IGHMBP2: variants seen among roughly 807,000 people sequenced by gnomAD.
IGHMBP2 encodes DNA-binding protein SMUBP-2.
Under a neutral mutation model 96.0 loss-of-function variants are expected in IGHMBP2, and 81 were observed. The observed-to-expected ratio is 0.84, with a 90% CI of 0.71 to 1.01. The LOEUF is 1.01. IGHMBP2 is among the 50% of genes least tolerant of loss of function. The probability of loss-of-function intolerance (pLI) is 0.00; values close to 1 mark genes in which losing one functional copy is unlikely to be tolerated. For missense variants in IGHMBP2, 1,227 were observed against 1,306.3 expected, an observed-to-expected ratio of 0.94 and a Z score of 0.94; for synonymous variants, 557 against 548.9, an observed-to-expected ratio of 1.01 and a Z score of -0.21.
Position 68,940,058 on chromosome 11 carries a change from G to C in IGHMBP2, c.*327G>C. 1 of 360,414 alleles carries C rather than the reference G, an allele frequency of 2.8e-6. No individual in the cohort carries two copies. Among genetic ancestry groups the C allele is most frequent in the South Asian group, 3.7e-5 (1 of 26,672 alleles). 22.3% of individuals were successfully genotyped at this position (360,414 alleles called of 1,614,324 possible). On this transcript the variant is annotated 3_prime_UTR_variant, in exon 15 of 15. Coordinates refer to ENST00000255078, the MANE Select transcript of IGHMBP2 (RefSeq NM_002180.3). The stretch of plus-strand genomic sequence containing the variant: ...TTCCAGTCCCTGGAGAATACCCAGG[G>C]CCTCAAACTTGAAGTCACTCCTCCA...
intron 1 of IGHMBP2, 94 bp from the exon 2 acceptor site, chr11:68,905,975 C>T: frequency 7.8e-7 from 1 of 1,284,924 alleles, no homozygotes; most frequent in South Asian, 1.2e-5. Flanking sequence ...GTGAGTAGAT[C>T]TTTATCTATG....
rs754465226 is a variant in IGHMBP2 at position 68,933,899 on chromosome 11, C to T, written c.1523C>T (p.Ser508Leu). The change falls in exon 10 of 15, where the codon TCG (serine) becomes TTG (leucine). Residue 508 changes from serine to leucine, a missense_variant. Physicochemically the swap from Ser to Leu is moderately radical, Grantham distance 145. Transcript: ENST00000255078. ...LFELEEEDEQ[S>L]KGNPGEVRLV... Reference sequence around the variant, plus strand: ...GAGCTGGAGGAGGAGGACGAACAGTCGAAAGGGAACCCTGGTGAGCTTGCT... The same window carrying T: ...GAGCTGGAGGAGGAGGACGAACAGTTGAAAGGGAACCCTGGTGAGCTTGCT... 5 of 1,593,184 alleles carry T rather than the reference C, an allele frequency of 3.1e-6. No individual in the cohort carries two copies. Among genetic ancestry groups the T allele is most frequent in the Non-Finnish European group, 4.3e-6 (5 of 1,168,450 alleles).
intron 5 of IGHMBP2, among the ~76,000 whole-genome samples, chr11:68,913,895 A>G (rs1455071189): frequency 6.6e-6 from 1 of 152,162 alleles, no homozygotes; most frequent in Non-Finnish European, 1.5e-5. Flanking sequence ...TGCTCGCCAC[A>G]CAGAAAGCCA....
At chr11:68,934,265 A>G (rs1163640578) in intron 10 of IGHMBP2, 199 bp from the exon 11 acceptor site, 14 of 661,312 alleles carry the variant, frequency 2.1e-5, no homozygotes, top group Non-Finnish European at 3.3e-5. Flanking sequence ...AAAGGCCTTC[A>G]TTGCTGATGT....
At position 68,903,960 on chromosome 11, in the gene IGHMBP2, C is replaced by T. The variant is rs757674740; in HGVS notation, c.8C>T (p.Ser3Leu). Reference sequence around the variant, plus strand: ...CCCAGGCCGGCGGCGGCGATGGCCTCGGCAGCTGTGGAGAGCTTCGTGACC... The same window carrying T: ...CCCAGGCCGGCGGCGGCGATGGCCTTGGCAGCTGTGGAGAGCTTCGTGACC... MA[S>L]AAVESFVTKQ... Residue 3 changes from serine (S) to leucine (L), a missense_variant, in exon 1 of 15, where the codon TCG (serine) becomes TTG (leucine). Physicochemically the swap from Ser to Leu is moderately radical, Grantham distance 145 (BLOSUM62 -2). Coordinates refer to ENST00000255078, the MANE Select transcript of IGHMBP2 (RefSeq NM_002180.3). The T allele has an allele frequency of 5.1e-6, 8 of 1,564,128 alleles. No homozygotes were observed. Among genetic ancestry groups the T allele is most frequent in the Middle Eastern group, 1.7e-4 (1 of 6,004 alleles).
At chr11:68,937,611 G>A in intron 13 of IGHMBP2, 1 of 243,498 alleles carries the variant, frequency 4.1e-6, no homozygotes, top group Non-Finnish European at 8.1e-6. Context: ...CCTGCATTGT[G>A]CCCACCCCGC....
chr11:68,925,142 C>CTT (rs921409570), intron 7 of IGHMBP2, among the ~76,000 whole-genome samples: 216 of 108,634 alleles, frequency 2.0e-3, no homozygotes, highest in Middle Eastern at 5.2e-3. Flanking sequence ...AGTCCAGGTT[C>CTT]TTTTTTTTTT....
At chr11:68,935,165 A>G (rs1426707805) in intron 11 of IGHMBP2, 134 bp from the exon 12 acceptor site, 4 of 1,186,532 alleles carry the variant, frequency 3.4e-6, no homozygotes, top group African/African-American at 1.5e-5. Context: ...GCCTTTCCCC[A>G]TGGGGCTCCT....
chr11:68,933,521 C>T (rs1483073564), intron 9 of IGHMBP2, 40 bp downstream of exon 9: 2 of 1,583,674 alleles, frequency 1.3e-6, no homozygotes, highest in African/African-American at 2.7e-5. Flanking sequence ...ATCCTTCTGC[C>T]CTGGCTAATC....
intron 5 of IGHMBP2, among the ~76,000 whole-genome samples, chr11:68,912,949 GGA>G (rs1324570745): frequency 2.0e-5 from 3 of 148,680 alleles, no homozygotes; most frequent in Non-Finnish European, 4.5e-5. Flanking sequence ...GGCTGAGGCA[GGA>G]GAATTGCTTG....
At chr11:68,904,310 C>T (rs2154006393) in intron 1 of IGHMBP2, among the ~76,000 whole-genome samples, 1 of 152,286 alleles carries the variant, frequency 6.6e-6, no homozygotes, top group East Asian at 1.9e-4. Context: ...TGGGCCCTGG[C>T]CCCGACCCCA....
rs1201956816 is a variant in IGHMBP2, at chr11:68,908,203, C to A, written c.315C>A (p.Ile105=). 39 of 1,613,976 alleles carry A rather than the reference C, an allele frequency of 2.4e-5. No homozygotes were observed. Among genetic ancestry groups the A allele is most frequent in the Non-Finnish European group, 3.1e-5 (36 of 1,180,034 alleles). ...AGGGCAGTCAGCTGGCCACTGGGAT[C>A]TTGACCCGGGTCACCCAGAAGTCGG... ...ANEGSQLATG[I]LTRVTQKSVT... The change falls in exon 3 of 15, where the codon ATC becomes ATA. Residue 105 remains isoleucine, a synonymous_variant. Transcript: ENST00000255078.
At position 68,936,326 on chromosome 11, in the gene IGHMBP2, A is replaced by C; in HGVS notation, c.1846A>C (p.Thr616Pro). 1 of 1,614,202 alleles carries C rather than the reference A, an allele frequency of 6.2e-7. No homozygotes were observed. Among genetic ancestry groups the C allele is most frequent in the Non-Finnish European group, 8.5e-7 (1 of 1,180,030 alleles). ...RHVAVICDSR[T>P]VNNHAFLKTL... ...CGTGGCGGTCATCTGTGACTCCCGT[A>C]CTGTCAACAACCATGCATTTTTGAA... Residue 616 changes from threonine to proline, a missense_variant, in exon 13 of 15, where the codon ACT becomes CCT. Physicochemically the swap from Thr to Pro is conservative, Grantham distance 38. Transcript: ENST00000255078.
At position 68,935,288 on chromosome 11, in the gene IGHMBP2, T is replaced by G. The variant is rs1194364328; in HGVS notation, c.1633-11T>G. 6.2e-7 allele frequency: 1 copy of G among 1,613,692 alleles called. No individual in the cohort carries two copies. Among genetic ancestry groups the G allele is most frequent in the African/African-American group, 1.3e-5 (1 of 74,928 alleles). ...GTGGGTGAGGAAACCACAGCCCGGC[T>G]GGTGTTTCAGGTGGACCTGCTCAGA... On this transcript the variant is annotated splice_polypyrimidine_tract_variant and intron_variant, in intron 11 of 14. Transcript: ENST00000255078.
At chr11:68,917,348 CT>C (rs1191695649) in intron 6 of IGHMBP2, among the ~76,000 whole-genome samples, 3 of 152,098 alleles carry the variant, frequency 2.0e-5, no homozygotes, top group Non-Finnish European at 4.4e-5. Flanking sequence ...TTTTTAATCT[CT>C]TGAAAAATGT....
chr11:68,933,150 G>A, intron 8 of IGHMBP2, 149 bp from the exon 9 acceptor site: 1 of 789,712 alleles, frequency 1.3e-6, no homozygotes, highest in Admixed American at 2.1e-5. Context: ...CTGTGATTCA[G>A]CCAAACCCGC....
At chr11:68,915,488 T>C (rs1455468852) in intron 6 of IGHMBP2, among the ~76,000 whole-genome samples, 9 of 150,832 alleles carry the variant, frequency 6.0e-5, no homozygotes, top group African/African-American at 9.8e-5. Flanking sequence ...CCTTTGTTTT[T>C]GTTTTTTTTT....
chr11:68,930,405 CAG>C lies in IGHMBP2; in HGVS notation c.1235+1049_1235+1050del, dbSNP rs1243362206. 22 of 1,289,732 alleles carry C rather than the reference CAG, an allele frequency of 1.7e-5. No individual in the cohort carries two copies. In the African/African-American group the frequency reaches 2.6e-4, roughly 15 times the overall value. The allele number at this position is 1,289,732 out of a possible 1,614,324, so 79.9% of individuals were successfully genotyped here. On this transcript the variant is annotated intron_variant, in intron 8 of 14. Coordinates refer to ENST00000255078, the MANE Select transcript of IGHMBP2 (RefSeq NM_002180.3). ...AATCCTGTCGAGTAGAATCTCATCA[CAG>C]GGGCGTGGGCAGCCCAGGAGTTGGC...
At chr11:68,919,503 T>C (rs1858800003) in intron 7 of IGHMBP2, among the ~76,000 whole-genome samples, 1 of 152,248 alleles carries the variant, frequency 6.6e-6, no homozygotes, top group African/African-American at 2.4e-5. Context: ...ACTTGGATAG[T>C]TCATCGAGAC....
Sources: gnomAD v4.1 joint callset for allele counts (sites outside exome capture counted in the v4.1 genomes callset) on GRCh38, gnomAD v4.1.1 for gene constraint, MANE v1.5 for transcripts, NCBI Gene and HGNC (gene_info 2026-07-23, HGNC 2026-07-21) for gene names.